The following WASF3 variants were observed in gnomAD, a reference collection of about 807,000 sequenced individuals.
The protein encoded by WASF3 is WASP family member 3.
WASF3 carries 11 observed loss-of-function variants against 46.6 expected under a neutral mutation model. The ratio of observed to expected loss-of-function variants is 0.24; its 90% confidence interval spans 0.15 to 0.39. WASF3 has a LOEUF of 0.39. WASF3 is among the 10% of genes least tolerant of loss of function. The pLI, the probability that WASF3 is intolerant of heterozygous loss-of-function variation, is 1.00. For missense variants in WASF3, 576 were observed against 669.8 expected, an observed-to-expected ratio of 0.86 and a Z score of 1.55; for synonymous variants, 242 against 259.7, an observed-to-expected ratio of 0.93 and a Z score of 0.65.
At chr13:26,557,651 C>T (rs1201918346), upstream of WASF3, 6 of 157,950 alleles carry the variant, frequency 3.8e-5, no homozygotes, top group Admixed American at 1.3e-4. Context: ...TCCGGCCGAG[C>T]CCCCCCGCCG....
chr13:26,589,023 G>C (rs1217250418), intron 1 of WASF3, among the ~76,000 whole-genome samples: 2 of 151,930 alleles, frequency 1.3e-5, no homozygotes, highest in African/African-American at 2.4e-5. Context: ...CAAACTCTTG[G>C]GCTCAAATGA....
chr13:26,592,200 C>G (rs1305171013), intron 1 of WASF3, among the ~76,000 whole-genome samples: 3 of 152,054 alleles, frequency 2.0e-5, no homozygotes, highest in Non-Finnish European at 4.4e-5. Flanking sequence ...ATATTTCAAC[C>G]TGACAGCTGA....
At chr13:26,595,354 G>A (rs1015060779) in intron 1 of WASF3, among the ~76,000 whole-genome samples, 1 of 152,084 alleles carries the variant, frequency 6.6e-6, no homozygotes, top group African/African-American at 2.4e-5. Flanking sequence ...TTTTTATATA[G>A]TAATAATCTC....
chr13:26,615,204 G>C (rs1268233960), intron 2 of WASF3, among the ~76,000 whole-genome samples: 1 of 151,896 alleles, frequency 6.6e-6, no homozygotes, highest in East Asian at 1.9e-4. Flanking sequence ...ATTTTTACTT[G>C]ACCTTCATGT....
intron 3 of WASF3, among the ~76,000 whole-genome samples, chr13:26,644,599 C>T (rs1042987695): frequency 3.7e-4 from 56 of 152,164 alleles, no homozygotes; most frequent in African/African-American, 1.3e-3. Flanking sequence ...CAAAATTAGA[C>T]ACCCATGTGT....
chr13:26,588,555 A>AGTT (rs949148316), intron 1 of WASF3, among the ~76,000 whole-genome samples: 15 of 152,298 alleles, frequency 9.8e-5, no homozygotes, highest in African/African-American at 3.6e-4. Flanking sequence ...CTTCTGTTTC[A>AGTT]GTTATCATCA....
intron 1 of WASF3, chr13:26,577,569 T>C: frequency 1.7e-6 from 2 of 1,163,270 alleles, no homozygotes; most frequent in Non-Finnish European, 2.6e-6. Flanking sequence ...GGAAAACTCA[T>C]GGAGCTTCAT....
intron 6 of WASF3, among the ~76,000 whole-genome samples, chr13:26,673,103 C>T (rs1367581395): frequency 6.6e-6 from 1 of 152,112 alleles, no homozygotes; most frequent in Admixed American, 6.5e-5. Flanking sequence ...GCATATTTAC[C>T]TTAATCCTCA....
At chr13:26,576,958 T>C in intron 1 of WASF3, 1 of 741,622 alleles carries the variant, frequency 1.3e-6, no homozygotes, top group Non-Finnish European at 2.4e-6. Flanking sequence ...GGTTGATCCA[T>C]TTTCTAAGAA....
intron 3 of WASF3, among the ~76,000 whole-genome samples, chr13:26,661,166 C>T (rs896766357): frequency 6.6e-6 from 1 of 152,224 alleles, no homozygotes; most frequent in Admixed American, 6.5e-5. Flanking sequence ...AACCAGCATC[C>T]ACGCTGTAGC....
chr13:26,575,988 A>T (rs1879785258), intron 1 of WASF3, among the ~76,000 whole-genome samples: 2 of 149,508 alleles, frequency 1.3e-5, no homozygotes, highest in African/African-American at 2.5e-5. Flanking sequence ...TATTTTCAGG[A>T]AGTTTTTTTA....
At chr13:26,585,380 A>G (rs1225099588) in intron 1 of WASF3, among the ~76,000 whole-genome samples, 1 of 152,210 alleles carries the variant, frequency 6.6e-6, no homozygotes, top group African/African-American at 2.4e-5. Flanking sequence ...AGGTATGCCT[A>G]CACACTTGCT....
the WASF3 span, among the ~76,000 whole-genome samples, chr13:26,542,239 C>T: frequency 6.6e-6 from 1 of 152,176 alleles, no homozygotes; most frequent in Non-Finnish European, 1.5e-5. Context: ...AGAATTCCAC[C>T]CTTCACACCT....
chr13:26,554,003 C>G (rs1879025449), upstream of WASF3, among the ~76,000 whole-genome samples: 1 of 150,672 alleles, frequency 6.6e-6, no homozygotes, highest in Non-Finnish European at 1.5e-5. Flanking sequence ...TTTTCTTTTC[C>G]TTTCCTTTCC....
intron 2 of WASF3, among the ~76,000 whole-genome samples, chr13:26,633,976 G>T (rs570628700): frequency 1.3e-5 from 2 of 152,210 alleles, no homozygotes; most frequent in East Asian, 1.9e-4. Flanking sequence ...GTTGATTTGG[G>T]GTGGAGAGTT....
chr13:26,673,991 G>A (rs1882992545), intron 6 of WASF3, among the ~76,000 whole-genome samples: 1 of 152,154 alleles, frequency 6.6e-6, no homozygotes, highest in African/African-American at 2.4e-5. Flanking sequence ...GGGCAGATGA[G>A]GTGGCGTGCT....
At chr13:26,598,019 A>T (rs984280108) in intron 1 of WASF3, among the ~76,000 whole-genome samples, 2 of 152,156 alleles carry the variant, frequency 1.3e-5, no homozygotes, top group African/African-American at 2.4e-5. Flanking sequence ...TTTCTAGTTC[A>T]AGATCCCTGA....
chr13:26,629,544 C>T (rs1054488628), intron 2 of WASF3, among the ~76,000 whole-genome samples: 2 of 152,166 alleles, frequency 1.3e-5, no homozygotes, highest in South Asian at 2.1e-4. Flanking sequence ...TGACTAACAC[C>T]ATGTGCTGAG....
intron 1 of WASF3, among the ~76,000 whole-genome samples, chr13:26,570,683 G>T (rs1017488592): frequency 2.6e-5 from 4 of 152,066 alleles, no homozygotes; most frequent in Non-Finnish European, 5.9e-5. Flanking sequence ...ATGCAGTTTC[G>T]TTACCAGTCT....
Sources: allele counts gnomAD v4.1 joint callset (sites outside exome capture counted in the v4.1 genomes callset), GRCh38; gene constraint gnomAD v4.1.1; transcripts MANE v1.5; gene names NCBI Gene and HGNC (gene_info 2026-07-23, HGNC 2026-07-21).